WDSUB1: variants seen among roughly 807,000 people sequenced by gnomAD.
WDSUB1 encodes WD repeat, sterile alpha motif and U-box domain containing 1.
In WDSUB1, 49 loss-of-function variants were observed where a neutral mutation model predicts 53.9. The ratio of observed to expected loss-of-function variants is 0.91; its 90% CI spans 0.72 to 1.15. WDSUB1 has a LOEUF of 1.15. WDSUB1 is among the 50% of genes most tolerant of loss of function. The probability of loss-of-function intolerance (pLI) is 0.00; values close to 1 mark genes in which losing one functional copy is unlikely to be tolerated. For missense variants in WDSUB1, 514 were observed against 562.0 expected (o/e 0.91, Z 0.86); for synonymous variants, 194 against 200.6 (o/e 0.97, Z 0.28).
chr2:159,275,484 T>A, intron 4 of WDSUB1, 62 bp downstream of exon 4: 6 of 1,362,280 alleles, frequency 4.4e-6, no homozygotes, highest in Non-Finnish European at 6.0e-6. Context: ...AGTAAAAAGA[T>A]TAAATAGAAA....
chr2:159,248,376 T>TG lies in WDSUB1; in HGVS notation c.1268dup (p.Ser424IlefsTer7). 6.2e-7 allele frequency: 1 copy of TG among 1,611,922 alleles called. No individual in the cohort carries two copies. The highest frequency in any genetic ancestry group is 8.5e-7 in the Non-Finnish European group (1 of 1,179,304). ...TTAGTATAGCATCACACATACCTGATGCGATGACCGGATCTTTCATAAGTT... is the reference window on the plus strand; with the variant it reads ...TTAGTATAGCATCACACATACCTGATGGCGATGACCGGATCTTTCATAAGTT... On this transcript the variant is annotated frameshift_variant, in exon 10 of 11. Coordinates refer to ENST00000359774, the MANE Select transcript of WDSUB1 (RefSeq NM_001128212.3). LOFTEE classifies it high-confidence loss of function.
intron 5 of WDSUB1, 146 bp from the exon 6 acceptor site, chr2:159,259,989 T>G (rs2061153965): frequency 2.1e-6 from 2 of 961,290 alleles, no homozygotes; most frequent in Non-Finnish European, 2.9e-6. Context: ...TTTGTTCATA[T>G]GCATGAAAAC....
At chr2:159,242,941 T>C (rs2060698897) in intron 10 of WDSUB1, among the ~76,000 whole-genome samples, 1 of 147,492 alleles carries the variant, frequency 6.8e-6, no homozygotes, top group Non-Finnish European at 1.5e-5. Context: ...AAGGAAAAAC[T>C]GAAAAAAGAT....
chr2:159,249,105 C>G (rs1264547424), intron 9 of WDSUB1, among the ~76,000 whole-genome samples: 1 of 152,196 alleles, frequency 6.6e-6, no homozygotes, highest in African/African-American at 2.4e-5. Context: ...CACTAATATA[C>G]TCTACAAAAT....
chr2:159,279,635 G>A (rs922192988), intron 3 of WDSUB1, 126 bp downstream of exon 3: 5 of 741,030 alleles, frequency 6.7e-6, no homozygotes, highest in Non-Finnish European at 9.7e-6. Context: ...CCCTTTACAG[G>A]AATAAATTAA....
intron 5 of WDSUB1, among the ~76,000 whole-genome samples, chr2:159,260,159 T>G (rs1440410422): frequency 6.6e-6 from 1 of 151,902 alleles, no homozygotes; most frequent in Non-Finnish European, 1.5e-5. Flanking sequence ...AAAAAAATTA[T>G]CCGGGCATGG....
intron 9 of WDSUB1, among the ~76,000 whole-genome samples, chr2:159,252,386 C>T (rs2060969950): frequency 2.0e-5 from 3 of 152,116 alleles, no homozygotes; most frequent in Middle Eastern, 3.2e-3. Flanking sequence ...CTACAATATA[C>T]GTGAGTGAGG....
intron 9 of WDSUB1, among the ~76,000 whole-genome samples, chr2:159,254,654 C>T (rs558824019): frequency 1.2e-4 from 19 of 152,336 alleles, no homozygotes; most frequent in African/African-American, 4.3e-4. Context: ...TTCAAACATC[C>T]TTTGTTGAAT....
Position 159,250,414 on chromosome 2 carries a change from T to C in WDSUB1, c.1133-1902A>G, listed in dbSNP as rs1427328327. ...CTTAAAAAGATTCCCTCAAATTCTTTATGAAATCACCATCCAGTTTCAAGA... is the reference window on the plus strand; with the variant it reads ...CTTAAAAAGATTCCCTCAAATTCTTCATGAAATCACCATCCAGTTTCAAGA... On this transcript the variant is annotated intron_variant, in intron 9 of 10. Transcript: ENST00000359774. Among the ~76,000 whole-genome samples, 18 of 152,230 alleles carry C rather than the reference T, an allele frequency of 1.2e-4. 1 individual carries two copies. Among genetic ancestry groups the C allele is most frequent in the Non-Finnish European group, 1.5e-5 (1 of 68,042 alleles).
In WDSUB1 at chr2:159,247,910, A is replaced by ATAAATATATATAT. The variant is rs2060846247; in HGVS notation, c.1273+461_1273+462insATATATATATTTA. Among the ~76,000 whole-genome samples the ATAAATATATATAT allele has an allele frequency of 8.1e-3, 144 of 17,670 alleles. 2 individuals are homozygous for ATAAATATATATAT. The highest frequency in any genetic ancestry group is 0.015 in the Non-Finnish European group (116 of 7,508). 11.6% of individuals were successfully genotyped at this position (17,670 alleles called of 152,430 possible). A position where few individuals can be genotyped will look rare whatever the true frequency, so the allele number is the denominator to read the frequency against. ...AAATATATATATATATATATATATA[A>ATAAATATATATAT]ATATATATATATATATAAATATATA... is the stretch of plus-strand genomic sequence containing the variant. On this transcript the variant is annotated intron_variant, in intron 10 of 10. Transcript: ENST00000359774.
intron 5 of WDSUB1, among the ~76,000 whole-genome samples, chr2:159,261,642 G>A (rs1305080657): frequency 6.6e-6 from 1 of 151,672 alleles, no homozygotes; most frequent in Non-Finnish European, 1.5e-5. Context: ...ATGTCAGCAA[G>A]ATGGCAGAGT....
At chr2:159,244,335 C>T (rs967365565) in intron 10 of WDSUB1, among the ~76,000 whole-genome samples, 6 of 151,166 alleles carry the variant, frequency 4.0e-5, no homozygotes, top group South Asian at 4.2e-4. Context: ...AAGCTACTAA[C>T]AGCCCTACAT....
intron 9 of WDSUB1, among the ~76,000 whole-genome samples, chr2:159,255,339 C>T (rs903976575): frequency 4.6e-5 from 7 of 151,718 alleles, no homozygotes; most frequent in Admixed American, 2.0e-4. Context: ...TGGTGGCAGG[C>T]GCCTGTAGTC....
At chr2:159,241,837 C>T (rs1356382068) in intron 10 of WDSUB1, among the ~76,000 whole-genome samples, 1 of 143,874 alleles carries the variant, frequency 7.0e-6, no homozygotes, top group Non-Finnish European at 1.5e-5. Context: ...CTCAGCCTCC[C>T]AAGTAGCTGG....
chr2:159,278,747 G>A, intron 3 of WDSUB1, among the ~76,000 whole-genome samples: 1 of 152,160 alleles, frequency 6.6e-6, no homozygotes, highest in East Asian at 1.9e-4. Flanking sequence ...AGAGCAATTT[G>A]AGATTAGGGG....
At chr2:159,273,207 T>G (rs1317353439) in intron 4 of WDSUB1, among the ~76,000 whole-genome samples, 2 of 152,144 alleles carry the variant, frequency 1.3e-5, no homozygotes, top group East Asian at 3.9e-4. Context: ...TTCAAAAGGC[T>G]TTAATTCTAA....
chr2:159,241,752 G>A lies in WDSUB1; in HGVS notation c.1274-5562C>T, dbSNP rs185632827. The stretch of plus-strand genomic sequence containing the variant: ...TTTTGAGATGGAGTCTCACATTGTC[G>A]CCGGGGCTAGAGTGCAGTGGCATGA... On this transcript the variant is annotated intron_variant, in intron 10 of 10. Coordinates refer to ENST00000359774, the MANE Select transcript of WDSUB1 (RefSeq NM_001128212.3). 3.9e-5 allele frequency among the ~76,000 whole-genome samples: 5 copies of A among 127,800 alleles called. 1 individual carries two copies. Among genetic ancestry groups the A allele is most frequent in the East Asian group, 4.4e-4 (2 of 4,502 alleles). The allele number at this position is 127,800 out of a possible 152,430, so 83.8% of individuals were successfully genotyped here. A position where few individuals can be genotyped will look rare whatever the true frequency, so the allele number is the denominator to read the frequency against.
At chr2:159,246,309 G>A (rs1023371939) in intron 10 of WDSUB1, among the ~76,000 whole-genome samples, 4 of 151,920 alleles carry the variant, frequency 2.6e-5, no homozygotes, top group Non-Finnish European at 5.9e-5. Flanking sequence ...GTGGGTGCCT[G>A]TAGTCCCAGC....
chr2:159,247,846 T>C (rs775793453), intron 10 of WDSUB1, among the ~76,000 whole-genome samples: 11 of 134,900 alleles, frequency 8.2e-5, no homozygotes, highest in Non-Finnish European at 1.4e-4. Context: ...TAAGCCAATA[T>C]TCAGAAACAT....
Sources: allele counts gnomAD v4.1 joint callset (sites outside exome capture counted in the v4.1 genomes callset), GRCh38; gene constraint gnomAD v4.1.1; transcripts MANE v1.5; gene names NCBI Gene and HGNC (gene_info 2026-07-23, HGNC 2026-07-21).